EFNA5: variants seen among roughly 807,000 people sequenced by gnomAD.
EFNA5 encodes ephrin-A5.
EFNA5 carries 5 observed loss-of-function variants against 22.9 expected under a neutral mutation model. That is an observed-to-expected ratio of 0.22 (90% CI 0.11 to 0.46). The LOEUF (loss-of-function observed/expected upper bound fraction) is 0.46. EFNA5 is among the 20% of genes least tolerant of loss of function. The pLI is 0.99. For synonymous variants in EFNA5, 113 were observed against 112.2 expected (o/e 1.01, Z -0.04); for missense variants, 237 against 293.3 (o/e 0.81, Z 1.40).
At chr5:107,617,268 A>T (rs1281713635) in intron 1 of EFNA5, among the ~76,000 whole-genome samples, 3 of 152,062 alleles carry the variant, frequency 2.0e-5, no homozygotes, top group Admixed American at 2.0e-4. Flanking sequence ...AAAGAGAGAG[A>T]GAGAGAACCA....
chr5:107,579,752 C>G (rs949487812), intron 1 of EFNA5, among the ~76,000 whole-genome samples: 2 of 152,170 alleles, frequency 1.3e-5, no homozygotes, highest in Non-Finnish European at 2.9e-5. Flanking sequence ...AGAGGCTGCA[C>G]CCCAAATTCA....
chr5:107,409,207 A>G (rs1748297857), intron 2 of EFNA5, among the ~76,000 whole-genome samples: 1 of 152,246 alleles, frequency 6.6e-6, no homozygotes, highest in Non-Finnish European at 1.5e-5. Context: ...AGTATGCCTC[A>G]TCTTTCGTCT....
At chr5:107,389,606 G>GC (rs1342279603) in intron 2 of EFNA5, among the ~76,000 whole-genome samples, 1 of 152,204 alleles carries the variant, frequency 6.6e-6, no homozygotes, top group Non-Finnish European at 1.5e-5. Flanking sequence ...AATTGGTTTA[G>GC]CGAGGAGCTT....
At chr5:107,507,714 G>A (rs1266091048) in intron 1 of EFNA5, among the ~76,000 whole-genome samples, 1 of 152,106 alleles carries the variant, frequency 6.6e-6, no homozygotes, top group African/African-American at 2.4e-5. Context: ...TAGCGCAGCT[G>A]TAGTTCCAGC....
chr5:107,448,665 C>T (rs1039153368), intron 1 of EFNA5, among the ~76,000 whole-genome samples: 1 of 151,620 alleles, frequency 6.6e-6, no homozygotes, highest in Non-Finnish European at 1.5e-5. Context: ...CCCATCTCTA[C>T]TAAAAATACA....
intron 1 of EFNA5, among the ~76,000 whole-genome samples, chr5:107,572,874 T>C (rs1009012049): frequency 1.3e-5 from 2 of 152,198 alleles, no homozygotes; most frequent in Admixed American, 6.5e-5. Flanking sequence ...CTGTCCCTTA[T>C]GATGATTCCC....
At position 107,517,504 on chromosome 5, in the gene EFNA5, T is replaced by A. The variant is rs111316360; in HGVS notation, c.126-89995A>T. Among the ~76,000 whole-genome samples the A allele has an allele frequency of 4.1e-3, 632 of 152,368 alleles. 8 individuals are homozygous for A. The highest frequency in any genetic ancestry group is 0.014 in the African/African-American group (598 of 41,582). On this transcript the variant is annotated intron_variant, in intron 1 of 4. Transcript: ENST00000333274. ...TGACCTCATACGGTTGTTGTGAATATTAAATTCAATATATGAGAAAAGTTT... is the reference window on the plus strand; with the variant it reads ...TGACCTCATACGGTTGTTGTGAATAATAAATTCAATATATGAGAAAAGTTT...
intron 1 of EFNA5, among the ~76,000 whole-genome samples, chr5:107,504,102 G>A (rs25977): frequency 1.3e-5 from 2 of 151,874 alleles, no homozygotes; most frequent in Admixed American, 6.6e-5. Context: ...TATTTTCTTC[G>A]AGCATTTTGT....
intron 1 of EFNA5, among the ~76,000 whole-genome samples, chr5:107,532,170 T>G (rs776856987): frequency 4.6e-5 from 7 of 152,188 alleles, no homozygotes; most frequent in Non-Finnish European, 1.0e-4. Context: ...GCAGGAGGAA[T>G]TATTTCTTAT....
In EFNA5 at chr5:107,657,879, G is replaced by A. The variant is rs540130603; in HGVS notation, c.125+12610C>T. 1.8e-4 allele frequency among the ~76,000 whole-genome samples: 28 copies of A among 152,026 alleles called. No individual in the cohort carries two copies. The South Asian group carries it at 3.9e-3, about 21-fold the overall frequency. ...TCAGTAAAAACAAAAAACAAAAAACGCAGAGTAATCTTCTGAATTTAACTA... is the reference window on the plus strand; with the variant it reads ...TCAGTAAAAACAAAAAACAAAAAACACAGAGTAATCTTCTGAATTTAACTA... On this transcript the variant is annotated intron_variant, in intron 1 of 4. Coordinates refer to ENST00000333274, the MANE Select transcript of EFNA5 (RefSeq NM_001962.3).
chr5:107,587,680 C>G (rs1424733685), intron 1 of EFNA5, among the ~76,000 whole-genome samples: 1 of 152,130 alleles, frequency 6.6e-6, no homozygotes, highest in African/African-American at 2.4e-5. Context: ...CCACGCCCAG[C>G]TAATTTTTTT....
intron 1 of EFNA5, among the ~76,000 whole-genome samples, chr5:107,447,075 C>A (rs1036284239): frequency 6.6e-6 from 1 of 152,184 alleles, no homozygotes; most frequent in East Asian, 1.9e-4. Context: ...CCATTAATAC[C>A]TGTCACCCAG....
rs1223393240 is a variant in EFNA5, at chr5:107,398,879, T to A, written c.419-11108A>T. On this transcript the variant is annotated intron_variant, in intron 2 of 4. Coordinates refer to ENST00000333274, the MANE Select transcript of EFNA5 (RefSeq NM_001962.3). Reference sequence around the variant, plus strand: ...CAAAAAAAAAAAAAAAAAAAAAATCTTCTAGCTGCAACGTGATTTGTTGAC... The same window carrying A: ...CAAAAAAAAAAAAAAAAAAAAAATCATCTAGCTGCAACGTGATTTGTTGAC... Among the ~76,000 whole-genome samples the A allele has an allele frequency of 1.0e-4, 14 of 139,428 alleles. No homozygotes were observed. In the East Asian group the frequency reaches 1.4e-3, roughly 14 times the overall value. The allele number at this position is 139,428 out of a possible 152,430, so 91.5% of individuals were successfully genotyped here.
At chr5:107,393,897 G>T (rs1190899471) in intron 2 of EFNA5, among the ~76,000 whole-genome samples, 1 of 152,166 alleles carries the variant, frequency 6.6e-6, no homozygotes, top group Non-Finnish European at 1.5e-5. Context: ...TGAGTGGAGT[G>T]GGGAAACAGA....
chr5:107,668,343 G>T (rs1751117135), intron 1 of EFNA5, among the ~76,000 whole-genome samples: 1 of 152,162 alleles, frequency 6.6e-6, no homozygotes, highest in Non-Finnish European at 1.5e-5. Flanking sequence ...TCTGCAGGCA[G>T]GGCAGATCTA....
chr5:107,548,298 C>G (rs1966893), intron 1 of EFNA5, among the ~76,000 whole-genome samples: 24,256 of 152,088 alleles, frequency 0.16, 2,100 homozygotes, highest in African/African-American at 0.24. Flanking sequence ...TTTTATTAAA[C>G]AATGGACTTT....
chr5:107,445,936 A>G (rs1010499634), intron 1 of EFNA5, among the ~76,000 whole-genome samples: 2 of 152,166 alleles, frequency 1.3e-5, no homozygotes, highest in East Asian at 3.8e-4. Context: ...ATAGACATCC[A>G]TCTGATAACT....
intron 1 of EFNA5, among the ~76,000 whole-genome samples, chr5:107,668,156 G>C (rs1751114626): frequency 6.6e-6 from 1 of 152,106 alleles, no homozygotes; most frequent in Non-Finnish European, 1.5e-5. Flanking sequence ...GTTAAGAGGG[G>C]TACATCATTC....
intron 1 of EFNA5, among the ~76,000 whole-genome samples, chr5:107,428,652 G>C (rs960573684): frequency 3.9e-5 from 6 of 152,134 alleles, no homozygotes; most frequent in African/African-American, 1.4e-4. Flanking sequence ...TGAGCCCTCA[G>C]AAATTTCATC....
Sources: gnomAD v4.1 joint callset for allele counts (sites outside exome capture counted in the v4.1 genomes callset) on GRCh38, gnomAD v4.1.1 for gene constraint, MANE v1.5 for transcripts, NCBI Gene and HGNC (gene_info 2026-07-23, HGNC 2026-07-21) for gene names.